The following MDGA1 variants were observed in gnomAD, a reference collection of about 807,000 sequenced individuals.
MDGA1 encodes MAM domain containing glycosylphosphatidylinositol anchor 1, also known as MAM domain-containing glycosylphosphatidylinositol anchor protein 1.
A neutral mutation model predicts 101.5 loss-of-function variants in MDGA1; 54 were observed. The ratio of observed to expected loss-of-function variants is 0.53; its 90% confidence interval spans 0.43 to 0.67. The LOEUF (loss-of-function observed/expected upper bound fraction) is 0.67, where lower values mean the gene tolerates loss of function less well. Among genes scored for constraint, MDGA1 ranks in the 30% least tolerant of loss-of-function variants. The pLI is 0.00. For synonymous variants in MDGA1, 533 were observed against 558.3 expected, an observed-to-expected ratio of 0.95 and a Z score of 0.64; for missense variants, 1,083 against 1,323.8, an observed-to-expected ratio of 0.82 and a Z score of 2.82.
chr6:37,658,283 C>A lies in MDGA1; in HGVS notation c.344G>T (p.Gly115Val). Residue 115 changes from glycine to valine, a missense_variant, in exon 3 of 17, where the codon GGG becomes GTG. Physicochemically the swap from Gly to Val is moderately radical, Grantham distance 109 (BLOSUM62 -3). Around this residue, in one of 3 missense-constraint regions of MDGA1, gnomAD observed 310 missense variants for 355.9 expected, o/e 0.87. Coordinates refer to ENST00000434837, the MANE Select transcript of MDGA1 (RefSeq NM_153487.4). ...RYYCKAENGV[G>V]VPAIKSIRVD... is the part of the protein sequence containing the mutation. ...GCGGATGGACTTGATGGCCGGCACC[C>A]CCACGCCGTTCTCAGCCTTGCAGTA... 1 of 1,609,996 alleles carries A rather than the reference C, an allele frequency of 6.2e-7. No homozygotes were observed. Among genetic ancestry groups the A allele is most frequent in the Middle Eastern group, 1.7e-4 (1 of 6,048 alleles).
intron 1 of MDGA1, among the ~76,000 whole-genome samples, chr6:37,685,950 A>G (rs540367194): frequency 3.4e-4 from 52 of 152,252 alleles, no homozygotes; most frequent in Admixed American, 9.2e-4. Context: ...ATTCACATTC[A>G]TCTAAATCCC....
In MDGA1 at chr6:37,652,000, C is replaced by T. The variant is rs748606934; in HGVS notation, c.1312+11G>A. The T allele has an allele frequency of 6.4e-5, 100 of 1,564,430 alleles. No homozygotes were observed. The highest frequency in any genetic ancestry group is 8.0e-5 in the Non-Finnish European group (92 of 1,156,874). On this transcript the variant is annotated intron_variant, in intron 7 of 16. Coordinates refer to ENST00000434837, the MANE Select transcript of MDGA1 (RefSeq NM_153487.4). ...CCCTCACATTTCCGCAGTGCCCCTC[C>T]AGCTGCCCACCTGTCTCAGAGGAGA...
At position 37,696,774 on chromosome 6, in the gene MDGA1, G is replaced by A. The variant is rs781394693; in HGVS notation, c.38C>T (p.Pro13Leu). 9 of 1,584,520 alleles carry A rather than the reference G, an allele frequency of 5.7e-6. No individual in the cohort carries two copies. The highest frequency in any genetic ancestry group is 6.9e-6 in the Non-Finnish European group (8 of 1,164,824). The change falls in exon 1 of 17, where the codon CCC (proline) becomes CTC (leucine). Residue 13 changes from proline (P) to leucine (L), a missense_variant. Physicochemically the swap from Pro to Leu is moderately conservative, Grantham distance 98. Coordinates refer to ENST00000434837, the MANE Select transcript of MDGA1 (RefSeq NM_153487.4). This position sits in a 1 kb window ranked among gnomAD's most constrained non-coding sequence, Gnocchi z 5.6. ...VTCLLLLALI[P>L]FHCRGQGVYA... ...GACTCCTTGTCCCCGGCAGTGGAAG[G>A]GGATCAGCGCCAGAAGTAGAAGGCA...
chr6:37,663,036 C>G (rs2395678), intron 2 of MDGA1, among the ~76,000 whole-genome samples: 13,387 of 152,294 alleles, frequency 0.088, 733 homozygotes, highest in East Asian at 0.19. Flanking sequence ...GCCGAACCTA[C>G]TAAAGCCATC....
rs1046971448 is a variant in MDGA1, at chr6:37,635,340, G to A, written c.*2028C>T. 2.5e-6 allele frequency: 1 copy of A among 397,928 alleles called. No homozygotes were observed. 24.6% of individuals were successfully genotyped at this position (397,928 alleles called of 1,614,324 possible). Reference sequence around the variant, plus strand: ...GGTGGCGAAGGTGGAGGGGGGACTTGGAAGGCTCAGAGGAGGAGCTCACAG... The same window carrying A: ...GGTGGCGAAGGTGGAGGGGGGACTTAGAAGGCTCAGAGGAGGAGCTCACAG... On this transcript the variant is annotated 3_prime_UTR_variant, in exon 17 of 17. Transcript: ENST00000434837.
At position 37,633,483 on chromosome 6, in the gene MDGA1, G is replaced by A. The variant is rs1404833981; in HGVS notation, c.*3885C>T. 2 of 152,268 alleles carry A rather than the reference G, an allele frequency of 1.3e-5. No individual in the cohort carries two copies. Among genetic ancestry groups the A allele is most frequent in the East Asian group, 3.9e-4 (2 of 5,180 alleles). 9.4% of individuals were successfully genotyped at this position (152,268 alleles called of 1,614,324 possible). On this transcript the variant is annotated 3_prime_UTR_variant, in exon 17 of 17. Transcript: ENST00000434837. ...GGGGAAACCAAGAGGATGAGCACATGAGAACATGCTGACCTTCACTCCTAG... is the reference window on the plus strand; with the variant it reads ...GGGGAAACCAAGAGGATGAGCACATAAGAACATGCTGACCTTCACTCCTAG...
In MDGA1 at chr6:37,631,613, C is replaced by T. The variant is rs2113984582; in HGVS notation, c.*5755G>A. The T allele has an allele frequency of 6.6e-6, 1 of 152,336 alleles. No homozygotes were observed. Among genetic ancestry groups the T allele is most frequent in the East Asian group, 1.9e-4 (1 of 5,186 alleles). The allele number at this position is 152,336 out of a possible 1,614,324, so 9.4% of individuals were successfully genotyped here. On this transcript the variant is annotated 3_prime_UTR_variant, in exon 17 of 17. Transcript: ENST00000434837. ...TGTAGTCCATATCATGACATCCACA[C>T]CCTTGATTTGGGGTCACTTTGCAAA...
chr6:37,673,618 C>A (rs1364779489), intron 1 of MDGA1, among the ~76,000 whole-genome samples: 3 of 152,136 alleles, frequency 2.0e-5, no homozygotes, highest in African/African-American at 7.2e-5. Context: ...CTCACTGCAT[C>A]GGGAGTTGCT....
intron 2 of MDGA1, 78 bp from the exon 3 acceptor site, chr6:37,658,497 G>A (rs1761547729): frequency 9.3e-6 from 13 of 1,398,582 alleles, no homozygotes; most frequent in African/African-American, 1.4e-5. Flanking sequence ...GCCCTGCAAC[G>A]GCACCCCCTT....
At chr6:37,687,755 A>C (rs1470692672) in intron 1 of MDGA1, among the ~76,000 whole-genome samples, 2 of 152,078 alleles carry the variant, frequency 1.3e-5, no homozygotes, top group Non-Finnish European at 2.9e-5. Context: ...TACAAGTGTG[A>C]GCCACAGCAC....
At chr6:37,658,798 A>C (rs1224025658) in intron 2 of MDGA1, among the ~76,000 whole-genome samples, 1 of 151,954 alleles carries the variant, frequency 6.6e-6, no homozygotes, top group Non-Finnish European at 1.5e-5. Context: ...TGGTGAAACC[A>C]CGGCTCTACT....
intron 8 of MDGA1, chr6:37,649,725 G>T: frequency 2.2e-6 from 1 of 453,914 alleles, no homozygotes; most frequent in Non-Finnish European, 4.1e-6. Context: ...GGCTGTGGGG[G>T]GTTCAATGAG....
intron 10 of MDGA1, 119 bp downstream of exon 10, chr6:37,647,053 TA>T: frequency 3.3e-6 from 3 of 907,556 alleles, no homozygotes; most frequent in Non-Finnish European, 5.0e-6. Context: ...GAATTGCCTC[TA>T]AAAGGGTCAA....
intron 1 of MDGA1, among the ~76,000 whole-genome samples, chr6:37,670,738 C>A (rs550896973): frequency 2.5e-4 from 38 of 152,340 alleles, no homozygotes; most frequent in African/African-American, 8.9e-4. Context: ...AGGGTTGGTA[C>A]CTTCCTGGGG....
intron 1 of MDGA1, among the ~76,000 whole-genome samples, chr6:37,666,453 G>GAT (rs754980128): frequency 6.6e-6 from 1 of 152,020 alleles, no homozygotes; most frequent in Non-Finnish European, 1.5e-5. Context: ...GAGGTAAGAA[G>GAT]ATAAATAAGA....
intron 2 of MDGA1, among the ~76,000 whole-genome samples, chr6:37,661,546 A>G (rs1414104829): frequency 5.3e-5 from 8 of 152,208 alleles, no homozygotes; most frequent in Non-Finnish European, 1.2e-4. Flanking sequence ...AATATTTCTT[A>G]TAATGAAACA....
intron 1 of MDGA1, among the ~76,000 whole-genome samples, chr6:37,664,842 GAC>G (rs35594367): frequency 0.064 from 3,500 of 54,858 alleles, 108 homozygotes; most frequent in South Asian, 0.072. Flanking sequence ...CCTAACCTAA[GAC>G]ACACACACAC....
In MDGA1 at chr6:37,650,263, C is replaced by T; in HGVS notation, c.1455G>A (p.Leu485=). 1.2e-6 allele frequency: 2 copies of T among 1,608,762 alleles called. No individual in the cohort carries two copies. The highest frequency in any genetic ancestry group is 1.7e-6 in the Non-Finnish European group (2 of 1,178,882). ...WSRVDKEAAL[L]PSGLPLEETP... ...TCTCCTCCAGGGGCAGCCCCGAGGG[C>T]AGCAGTGCAGCCTCCTTGTCCACGC... The change falls in exon 8 of 17, where the codon CTG becomes CTA. Residue 485 remains leucine, a synonymous_variant. Transcript: ENST00000434837.
chr6:37,681,817 C>A (rs1738288833), intron 1 of MDGA1, among the ~76,000 whole-genome samples: 1 of 152,072 alleles, frequency 6.6e-6, no homozygotes, highest in Non-Finnish European at 1.5e-5. Context: ...TGAAGCCCAC[C>A]CTCACCCCAG....
Sources: gnomAD v4.1 joint callset for allele counts (sites outside exome capture counted in the v4.1 genomes callset) on GRCh38, gnomAD v4.1.1 for gene constraint, gnomAD v4.1.1 regional missense constraint, Gnocchi (gnomAD v3.1) non-coding constraint, MANE v1.5 for transcripts, NCBI Gene and HGNC (gene_info 2026-07-23, HGNC 2026-07-21) for gene names.